The following SCN2A variants were observed in gnomAD, a reference collection of about 807,000 sequenced individuals.
SCN2A encodes sodium channel protein type 2 subunit alpha.
Under a neutral mutation model 188.7 loss-of-function variants are expected in SCN2A, and 20 were observed. The ratio of observed to expected loss-of-function variants is 0.11; its 90% CI spans 0.07 to 0.15. The LOEUF (loss-of-function observed/expected upper bound fraction) is 0.15. Among genes scored for constraint, SCN2A ranks in the 10% least tolerant of loss-of-function variants. The pLI is 1.00. For synonymous variants in SCN2A, 804 were observed against 833.1 expected (o/e 0.97, Z 0.60); for missense variants, 1,278 against 2,445.0 (o/e 0.52, Z 10.07).
chr2:165,241,063 G>A (rs1423976759), intron 1 of SCN2A: 1 of 151,740 alleles, frequency 6.6e-6, no homozygotes, highest in Non-Finnish European at 1.5e-5. Flanking sequence ...ATCTTCCATA[G>A]CAGTAACACA....
intron 20 of SCN2A, 121 bp downstream of exon 20, chr2:165,370,420 CTCATT>C: frequency 9.7e-7 from 1 of 1,034,518 alleles, no homozygotes; most frequent in Non-Finnish European, 1.5e-6. Context: ...AATTATGTTT[CTCATT>C]TCACAGTGAG....
intron 14 of SCN2A, among the ~76,000 whole-genome samples, chr2:165,337,604 A>T (rs867497747): frequency 1.8e-4 from 28 of 152,282 alleles, no homozygotes; most frequent in African/African-American, 6.7e-4. Context: ...TTTACTATAT[A>T]CATGAGACTA....
rs1965757 is a variant in SCN2A, at chr2:165,308,377, G to A, written c.477-289G>A. Among the ~76,000 whole-genome samples, 121,754 of 152,056 alleles carry A rather than the reference G, an allele frequency of 0.8. 48,990 individuals are homozygous for A. Among genetic ancestry groups the A allele is most frequent in the Non-Finnish European group, 0.84 (56,851 of 67,952 alleles). ...GTATTAATACCTATTTGCTCAAATC[G>A]GACTGAATGCCAGTGTATTTCAGAT... On this transcript the variant is annotated intron_variant, in intron 4 of 26. Coordinates refer to ENST00000375437, the MANE Select transcript of SCN2A (RefSeq NM_001040142.2).
At chr2:165,352,998 A>C (rs974751252) in intron 16 of SCN2A, among the ~76,000 whole-genome samples, 3 of 151,646 alleles carry the variant, frequency 2.0e-5, no homozygotes, top group Non-Finnish European at 2.9e-5. Context: ...CCTGAAAAAA[A>C]ATTATATGAC....
chr2:165,344,421 A>G, intron 15 of SCN2A, 134 bp from the exon 16 acceptor site: 1 of 507,262 alleles, frequency 2.0e-6, no homozygotes, highest in Non-Finnish European at 2.8e-6. Context: ...CATTGTGCAC[A>G]TGTACCCTAA....
In SCN2A at chr2:165,354,460, A is replaced by G. The variant is rs1700081203; in HGVS notation, c.3188A>G (p.Lys1063Arg). ...AACCATACCACCATAGAAATAGGCA[A>G]AGACCTCAATTATCTCAAAGACGGA... ...ISNHTTIEIG[K>R]DLNYLKDGNG... is the part of the protein sequence containing the mutation. Residue 1063 changes from lysine (K) to arginine (R), a missense_variant, in exon 17 of 27, where the codon AAA becomes AGA. Lys to Arg is a conservative substitution (Grantham distance 26, BLOSUM62 2). Around this residue, in one of 17 missense-constraint regions of SCN2A, gnomAD observed 228 missense variants for 297.3 expected, o/e 0.77. Transcript: ENST00000375437. The G allele has an allele frequency of 1.9e-6, 3 of 1,614,164 alleles. No individual in the cohort carries two copies. The highest frequency in any genetic ancestry group is 2.5e-6 in the Non-Finnish European group (3 of 1,180,012).
chr2:165,373,171 T>G (rs1701133823), intron 20 of SCN2A, 54 bp from the exon 21 acceptor site: 3 of 1,588,812 alleles, frequency 1.9e-6, no homozygotes, highest in Non-Finnish European at 1.7e-6. Flanking sequence ...AAGGCTGAAC[T>G]GTGTAGACAT....
intron 17 of SCN2A, among the ~76,000 whole-genome samples, chr2:165,355,613 T>A (rs920170404): frequency 6.6e-6 from 1 of 152,124 alleles, no homozygotes; most frequent in African/African-American, 2.4e-5. Context: ...GCGAGGAAGA[T>A]AAAAGCTTCT....
intron 14 of SCN2A, 115 bp from the exon 15 acceptor site, chr2:165,342,181 C>G: frequency 9.9e-7 from 1 of 1,011,798 alleles, no homozygotes; most frequent in Non-Finnish European, 1.5e-6. Flanking sequence ...GGACCTAAAC[C>G]AATTTTTTAA....
chr2:165,326,068 C>CT (rs902954511), intron 12 of SCN2A, among the ~76,000 whole-genome samples: 4 of 151,056 alleles, frequency 2.6e-5, no homozygotes, highest in South Asian at 4.2e-4. Flanking sequence ...TTAGCTTTAC[C>CT]TTTTTTTTTC....
At chr2:165,312,956 A>G (rs1255049379) in intron 8 of SCN2A, among the ~76,000 whole-genome samples, 1 of 152,144 alleles carries the variant, frequency 6.6e-6, no homozygotes, top group Non-Finnish European at 1.5e-5. Flanking sequence ...TAAGTAAATC[A>G]ATTGATTTTC....
chr2:165,384,466 G>T (rs1701760879), intron 25 of SCN2A, among the ~76,000 whole-genome samples: 1 of 152,126 alleles, frequency 6.6e-6, no homozygotes, highest in Non-Finnish European at 1.5e-5. Context: ...GACTGGAGTT[G>T]TACATTGAGA....
chr2:165,289,841 A>G (rs1696021561), intron 1 of SCN2A, among the ~76,000 whole-genome samples: 1 of 152,166 alleles, frequency 6.6e-6, no homozygotes, highest in Non-Finnish European at 1.5e-5. Flanking sequence ...GCTAGAATCA[A>G]TGGGAGAGAA....
intron 13 of SCN2A, among the ~76,000 whole-genome samples, chr2:165,329,974 AC>A (rs1698589870): frequency 6.6e-6 from 1 of 152,124 alleles, no homozygotes. Context: ...AATTTTAAAA[AC>A]AATAAGCAAT....
intron 1 of SCN2A, among the ~76,000 whole-genome samples, chr2:165,261,122 A>G (rs931539092): frequency 2.0e-5 from 3 of 152,222 alleles, no homozygotes; most frequent in Non-Finnish European, 4.4e-5. Flanking sequence ...TTTAGGGAAT[A>G]GTGACAAGAA....
chr2:165,246,190 G>A (rs1261773786), intron 1 of SCN2A, among the ~76,000 whole-genome samples: 1 of 152,158 alleles, frequency 6.6e-6, no homozygotes, highest in Non-Finnish European at 1.5e-5. Context: ...CTTTTAAGGA[G>A]TTTTCATGAA....
At chr2:165,368,320 G>A (rs1700837536) in intron 19 of SCN2A, among the ~76,000 whole-genome samples, 1 of 152,124 alleles carries the variant, frequency 6.6e-6, no homozygotes. Context: ...TGAGTTCTGG[G>A]CTTTATATAG....
intron 1 of SCN2A, among the ~76,000 whole-genome samples, chr2:165,291,511 C>CT (rs1559340478): frequency 2.9e-4 from 23 of 80,046 alleles, no homozygotes; most frequent in African/African-American, 5.0e-4. Flanking sequence ...TTCTTTCTTT[C>CT]TTCCTCTCCT....
At chr2:165,370,779 G>A (rs1175584158) in intron 20 of SCN2A, 4 of 159,044 alleles carry the variant, frequency 2.5e-5, no homozygotes, top group Non-Finnish European at 5.6e-5. Flanking sequence ...AAGCAAATTG[G>A]CTATTGACCA....
Sources: gnomAD v4.1 joint callset for allele counts (sites outside exome capture counted in the v4.1 genomes callset) on GRCh38, gnomAD v4.1.1 for gene constraint, gnomAD v4.1.1 regional missense constraint, MANE v1.5 for transcripts, NCBI Gene and HGNC (gene_info 2026-07-23, HGNC 2026-07-21) for gene names.